The following HUNK variants were observed in gnomAD, a reference collection of about 807,000 sequenced individuals.
HUNK encodes hormonally up-regulated Neu-associated kinase.
In HUNK, 21 loss-of-function variants were observed where a neutral mutation model predicts 61.0. That is an observed-to-expected ratio of 0.34 (90% CI 0.24 to 0.50). The LOEUF (loss-of-function observed/expected upper bound fraction) is 0.50. Ranked by LOEUF, HUNK falls within the 20% of genes least tolerant of loss-of-function variation. The pLI, the probability that HUNK is intolerant of heterozygous loss-of-function variation, is 0.98. For synonymous variants in HUNK, 371 were observed against 386.1 expected, an observed-to-expected ratio of 0.96 and a Z score of 0.46; for missense variants, 772 against 945.7, an observed-to-expected ratio of 0.82 and a Z score of 2.41.
Position 31,991,090 on chromosome 21 carries a change from A to G in HUNK, c.1305+914A>G, listed in dbSNP as rs578212311. ...ATCACATTGGTTCTTGCTATGCGGA[A>G]TTGGCTGTTTTTTATTGTCTTGTTA... On this transcript the variant is annotated intron_variant, in intron 9 of 10. Coordinates refer to ENST00000270112, the MANE Select transcript of HUNK (RefSeq NM_014586.2). Among the ~76,000 whole-genome samples, 3 of 152,260 alleles carry G rather than the reference A, an allele frequency of 2.0e-5. No homozygotes were observed. The South Asian group carries it at 6.2e-4, about 32-fold the overall frequency.
At chr21:31,970,080 C>T (rs529216542) in intron 6 of HUNK, among the ~76,000 whole-genome samples, 10 of 152,124 alleles carry the variant, frequency 6.6e-5, no homozygotes, top group Middle Eastern at 6.8e-3. Flanking sequence ...AACCACTGAC[C>T]CAGAGGGGCA....
At chr21:31,896,044 G>T (rs189074157) in intron 1 of HUNK, among the ~76,000 whole-genome samples, 1 of 139,766 alleles carries the variant, frequency 7.2e-6, no homozygotes, top group Non-Finnish European at 1.5e-5. Flanking sequence ...ACAGATGTGC[G>T]CACACACAGA....
At chr21:31,990,370 A>G (rs2053163537) in intron 9 of HUNK, among the ~76,000 whole-genome samples, 194 bp downstream of exon 9, 1 of 151,316 alleles carries the variant, frequency 6.6e-6, no homozygotes, top group Non-Finnish European at 1.5e-5. Flanking sequence ...TTGCAGCTTC[A>G]AGTCTGAAGG....
chr21:31,892,180 T>TAGAGAGAGAGAG (rs66753649), intron 1 of HUNK, among the ~76,000 whole-genome samples: 2 of 109,714 alleles, frequency 1.8e-5, no homozygotes, highest in African/African-American at 3.5e-5. Flanking sequence ...TATATATATA[T>TAGAGAGAGAGAG]AGAGAGAGAG....
At chr21:31,874,044 C>G in intron 1 of HUNK, 109 bp downstream of exon 1, 1 of 798,816 alleles carries the variant, frequency 1.3e-6, no homozygotes, top group Non-Finnish European at 1.7e-6. Flanking sequence ...CCGGGCCAAG[C>G]GCCTTCCCCC....
At chr21:31,906,917 G>T (rs1278917257) in intron 1 of HUNK, among the ~76,000 whole-genome samples, 1 of 151,790 alleles carries the variant, frequency 6.6e-6, no homozygotes, top group East Asian at 2.0e-4. Flanking sequence ...GCTCACACCT[G>T]TAATCCCAGC....
intron 4 of HUNK, among the ~76,000 whole-genome samples, 184 bp from the exon 5 acceptor site, chr21:31,958,659 C>T (rs527243053): frequency 1.3e-5 from 2 of 152,246 alleles, no homozygotes; most frequent in South Asian, 2.1e-4. Flanking sequence ...CATGAGCCAC[C>T]ATGTCCGACC....
At chr21:31,942,382 A>G (rs1416028816) in intron 3 of HUNK, among the ~76,000 whole-genome samples, 1 of 152,116 alleles carries the variant, frequency 6.6e-6, no homozygotes, top group Non-Finnish European at 1.5e-5. Flanking sequence ...TGACAGAACT[A>G]TCTTGTGGAA....
intron 1 of HUNK, among the ~76,000 whole-genome samples, chr21:31,919,653 T>G (rs756152470): frequency 3.9e-5 from 6 of 152,206 alleles, no homozygotes; most frequent in African/African-American, 9.7e-5. Flanking sequence ...AACCCTGATA[T>G]GGGCTGGTTC....
At chr21:31,970,339 C>T (rs983874621) in intron 6 of HUNK, among the ~76,000 whole-genome samples, 6 of 152,154 alleles carry the variant, frequency 3.9e-5, no homozygotes, top group African/African-American at 9.7e-5. Context: ...GGTTTCACTC[C>T]GTTGCCATCT....
intron 1 of HUNK, among the ~76,000 whole-genome samples, chr21:31,892,791 C>T (rs189042454): frequency 6.6e-6 from 1 of 152,154 alleles, no homozygotes; most frequent in African/African-American, 2.4e-5. Flanking sequence ...ACGCCTCTTC[C>T]GTCAACACCT....
intron 1 of HUNK, among the ~76,000 whole-genome samples, chr21:31,892,164 T>C (rs553539703): frequency 1.1e-5 from 1 of 91,080 alleles, no homozygotes; most frequent in South Asian, 3.4e-4. Context: ...AAAAAAAAAA[T>C]ATATATATAT....
intron 1 of HUNK, among the ~76,000 whole-genome samples, chr21:31,908,570 C>T (rs2052523922): frequency 6.6e-6 from 1 of 152,110 alleles, no homozygotes; most frequent in Admixed American, 6.5e-5. Context: ...GAATGTGTGA[C>T]TTTTGAAAGG....
chr21:31,989,453 C>A (rs944897811), intron 8 of HUNK, among the ~76,000 whole-genome samples: 1 of 152,174 alleles, frequency 6.6e-6, no homozygotes, highest in African/African-American at 2.4e-5. Flanking sequence ...AGTGCTCATG[C>A]CTGTAATCCC....
rs552067320 is a variant in HUNK, at chr21:31,884,718, G to T, written c.261+10783G>T. Among the ~76,000 whole-genome samples, 4 of 152,280 alleles carry T rather than the reference G, an allele frequency of 2.6e-5. No individual in the cohort carries two copies. In the South Asian group the frequency reaches 8.3e-4, roughly 32 times the overall value. ...CACGCCCTCATCAGACACTGGATCTGCAGGTGTGTTAGGCTTAGACTTCAC... is the reference window on the plus strand; with the variant it reads ...CACGCCCTCATCAGACACTGGATCTTCAGGTGTGTTAGGCTTAGACTTCAC... On this transcript the variant is annotated intron_variant, in intron 1 of 10. Transcript: ENST00000270112.
intron 1 of HUNK, among the ~76,000 whole-genome samples, chr21:31,910,947 G>A (rs1180528170): frequency 5.9e-5 from 9 of 152,068 alleles, no homozygotes; most frequent in East Asian, 1.9e-4. Context: ...CTTGGCATGC[G>A]GCAAATTCAA....
chr21:31,960,633 C>T (rs1568935204), intron 5 of HUNK, among the ~76,000 whole-genome samples: 1 of 152,066 alleles, frequency 6.6e-6, no homozygotes, highest in Non-Finnish European at 1.5e-5. Context: ...GAAGGAAGAG[C>T]AAAGGGACAT....
chr21:31,908,278 T>A (rs2052521341), intron 1 of HUNK, among the ~76,000 whole-genome samples: 1 of 152,060 alleles, frequency 6.6e-6, no homozygotes, highest in African/African-American at 2.4e-5. Context: ...TGAAGGACTT[T>A]CAACTTCTCA....
chr21:31,945,334 C>G (rs747523108), intron 3 of HUNK, among the ~76,000 whole-genome samples: 1 of 152,134 alleles, frequency 6.6e-6, no homozygotes, highest in Admixed American at 6.5e-5. Context: ...TTTCTCCCCC[C>G]TCTTCCTGGG....
Sources: gnomAD v4.1 joint callset for allele counts (sites outside exome capture counted in the v4.1 genomes callset) on GRCh38, gnomAD v4.1.1 for gene constraint, MANE v1.5 for transcripts, NCBI Gene and HGNC (gene_info 2026-07-23, HGNC 2026-07-21) for gene names.